Variants in RALYL observed in about 807,000 individuals in gnomAD.
RALYL encodes RALY RNA binding protein like.
A neutral mutation model predicts 35.1 loss-of-function variants in RALYL; 29 were observed. That is an observed-to-expected ratio of 0.83 (90% CI 0.61 to 1.13). The LOEUF is 1.13. RALYL is among the 50% of genes most tolerant of loss of function. The pLI is 0.00. For synonymous variants in RALYL, 120 were observed against 127.6 expected (o/e 0.94, Z 0.40); for missense variants, 359 against 360.4 (o/e 1.00, Z 0.03).
chr8:84,196,169 C>A (rs1245923425), intron 1 of RALYL, among the ~76,000 whole-genome samples: 2 of 152,116 alleles, frequency 1.3e-5, no homozygotes, highest in African/African-American at 4.8e-5. Context: ...TTATTCTGAA[C>A]CCATTTCATC....
At chr8:84,388,700 T>C (rs1859851935) in intron 1 of RALYL, among the ~76,000 whole-genome samples, 1 of 152,132 alleles carries the variant, frequency 6.6e-6, no homozygotes, top group Non-Finnish European at 1.5e-5. Flanking sequence ...TTGTTTTTTT[T>C]CTTGTAAATT....
chr8:84,834,009 G>C (rs1292316862), intron 4 of RALYL, among the ~76,000 whole-genome samples: 3 of 152,024 alleles, frequency 2.0e-5, no homozygotes, highest in African/African-American at 7.2e-5. Flanking sequence ...CCACCATAAA[G>C]AGCTTGTGTA....
intron 2 of RALYL, among the ~76,000 whole-genome samples, chr8:84,731,130 C>T (rs1846100150): frequency 6.6e-6 from 1 of 152,092 alleles, no homozygotes; most frequent in South Asian, 2.1e-4. Flanking sequence ...TTTATGATAA[C>T]TCTATGCATT....
chr8:84,312,277 A>G (rs1842958276), intron 1 of RALYL, among the ~76,000 whole-genome samples: 1 of 152,160 alleles, frequency 6.6e-6, no homozygotes, highest in Non-Finnish European at 1.5e-5. Flanking sequence ...GGGGATTACA[A>G]TTCAAGATGA....
At chr8:84,584,291 C>T (rs912384507) in intron 2 of RALYL, among the ~76,000 whole-genome samples, 5 of 152,134 alleles carry the variant, frequency 3.3e-5, no homozygotes, top group Admixed American at 1.3e-4. Flanking sequence ...CATTCCCACA[C>T]CTTTTACCAT....
At chr8:84,738,207 G>A (rs1431971540) in intron 2 of RALYL, among the ~76,000 whole-genome samples, 1 of 151,962 alleles carries the variant, frequency 6.6e-6, no homozygotes, top group Non-Finnish European at 1.5e-5. Flanking sequence ...GAGGAGGAGT[G>A]ACTGGTCCAG....
At chr8:84,188,141 G>A (rs780026046) in intron 1 of RALYL, among the ~76,000 whole-genome samples, 3 of 152,000 alleles carry the variant, frequency 2.0e-5, no homozygotes, top group Non-Finnish European at 4.4e-5. Context: ...AGGGGTACAT[G>A]TACAGTTTTG....
intron 2 of RALYL, among the ~76,000 whole-genome samples, chr8:84,577,093 GT>G (rs1394831194): frequency 6.6e-6 from 1 of 152,174 alleles, no homozygotes; most frequent in Admixed American, 6.6e-5. Flanking sequence ...TTATCTGACA[GT>G]TTTTAGGTCT....
intron 2 of RALYL, among the ~76,000 whole-genome samples, chr8:84,685,330 C>A (rs929467789): frequency 1.3e-5 from 2 of 151,982 alleles, no homozygotes; most frequent in Non-Finnish European, 2.9e-5. Flanking sequence ...CCATTGTAAC[C>A]CATCAACTCT....
At position 84,575,861 on chromosome 8, in the gene RALYL, G is replaced by A. The variant is rs145846173; in HGVS notation, c.256+46284G>A. ...GAGAATATTGACTGGGCATAGTGGC[G>A]TGCACCTGTAATATCAGGTAATTAG... On this transcript the variant is annotated intron_variant, in intron 2 of 8. Transcript: ENST00000521268. 2.7e-3 allele frequency among the ~76,000 whole-genome samples: 409 copies of A among 151,594 alleles called. 3 individuals are homozygous for A. The South Asian group carries it at 0.03, about 11-fold the overall frequency.
intron 2 of RALYL, among the ~76,000 whole-genome samples, chr8:84,708,538 C>T (rs1206355463): frequency 1.3e-5 from 2 of 151,998 alleles, no homozygotes; most frequent in Non-Finnish European, 2.9e-5. Flanking sequence ...GCTGATATTG[C>T]CAGAGCCAAA....
chr8:84,468,157 T>G (rs2052024587), intron 1 of RALYL, among the ~76,000 whole-genome samples: 1 of 152,054 alleles, frequency 6.6e-6, no homozygotes, highest in East Asian at 1.9e-4. Flanking sequence ...AAAGTTAATA[T>G]TGTTATGTGT....
intron 2 of RALYL, among the ~76,000 whole-genome samples, chr8:84,585,781 C>T (rs1206858554): frequency 6.6e-6 from 1 of 152,068 alleles, no homozygotes; most frequent in East Asian, 1.9e-4. Context: ...CAAAAAATGG[C>T]CCCTCTCCTC....
chr8:84,811,553 G>T (rs890144222), intron 4 of RALYL, among the ~76,000 whole-genome samples: 1 of 152,098 alleles, frequency 6.6e-6, no homozygotes, highest in Non-Finnish European at 1.5e-5. Flanking sequence ...GTATTTAGAT[G>T]TCTAGTTCTC....
At chr8:84,818,466 A>G (rs1827834078) in intron 4 of RALYL, among the ~76,000 whole-genome samples, 1 of 152,196 alleles carries the variant, frequency 6.6e-6, no homozygotes, top group South Asian at 2.1e-4. Flanking sequence ...AGCTATTAAA[A>G]TGGCATTCCT....
chr8:84,768,332 T>G (rs904979541), intron 2 of RALYL, among the ~76,000 whole-genome samples: 1 of 152,146 alleles, frequency 6.6e-6, no homozygotes, highest in African/African-American at 2.4e-5. Flanking sequence ...ATTAATCTTG[T>G]ATTTATAAAG....
chr8:84,805,417 G>A (rs887184490), intron 4 of RALYL, among the ~76,000 whole-genome samples: 4 of 152,148 alleles, frequency 2.6e-5, no homozygotes, highest in African/African-American at 7.2e-5. Flanking sequence ...GGCCAGGCGC[G>A]GTGGTTCATG....
chr8:84,871,650 A>G (rs1039703139), intron 6 of RALYL, among the ~76,000 whole-genome samples: 1 of 152,132 alleles, frequency 6.6e-6, no homozygotes, highest in Non-Finnish European at 1.5e-5. Context: ...GTGATTCTCT[A>G]TTTTACCCTG....
intron 2 of RALYL, among the ~76,000 whole-genome samples, chr8:84,724,738 A>G (rs1363810519): frequency 6.6e-6 from 1 of 151,804 alleles, no homozygotes; most frequent in East Asian, 1.9e-4. Flanking sequence ...CACTATGTAC[A>G]GTAAGTTGTT....
Sources: gnomAD v4.1 joint callset for allele counts (sites outside exome capture counted in the v4.1 genomes callset) on GRCh38, gnomAD v4.1.1 for gene constraint, MANE v1.5 for transcripts, NCBI Gene and HGNC (gene_info 2026-07-23, HGNC 2026-07-21) for gene names.